Variants in AMPH observed in about 807,000 individuals in gnomAD.
AMPH encodes the protein amphiphysin, also known as amphiphysin (Stiff-Mann syndrome with breast cancer 128kD autoantigen).
In AMPH, 49 loss-of-function variants were observed where a neutral mutation model predicts 99.1. That is an observed-to-expected ratio of 0.49 (90% CI 0.39 to 0.63). The LOEUF is 0.63. AMPH is among the 20% of genes least tolerant of loss of function. The pLI is 0.00. For missense variants in AMPH, 759 were observed against 863.4 expected, an observed-to-expected ratio of 0.88 and a Z score of 1.52; for synonymous variants, 314 against 317.3, an observed-to-expected ratio of 0.99 and a Z score of 0.11.
intron 5 of AMPH, among the ~76,000 whole-genome samples, chr7:38,485,022 A>G (rs1277572150): frequency 6.6e-6 from 1 of 151,966 alleles, no homozygotes; most frequent in Non-Finnish European, 1.5e-5. Context: ...ATACAAAGAA[A>G]CAACAAAATA....
intron 1 of AMPH, among the ~76,000 whole-genome samples, chr7:38,546,173 C>T (rs1790990121): frequency 6.6e-6 from 1 of 152,182 alleles, no homozygotes; most frequent in African/African-American, 2.4e-5. Context: ...AGATGCTGCC[C>T]CTTCTGGCTA....
intron 5 of AMPH, among the ~76,000 whole-genome samples, chr7:38,483,524 A>G (rs560981291): frequency 6.6e-6 from 1 of 152,250 alleles, no homozygotes; most frequent in Non-Finnish European, 1.5e-5. Flanking sequence ...TCCAAAGAAA[A>G]TGAGTCTTGC....
At chr7:38,551,662 T>TC (rs1791186580) in intron 1 of AMPH, among the ~76,000 whole-genome samples, 1 of 151,676 alleles carries the variant, frequency 6.6e-6, no homozygotes, top group Non-Finnish European at 1.5e-5. Flanking sequence ...GCAAATACCT[T>TC]CCCCCACGGC....
At chr7:38,630,778 G>A (rs561410947) in intron 1 of AMPH, among the ~76,000 whole-genome samples, 4 of 152,294 alleles carry the variant, frequency 2.6e-5, no homozygotes, top group Admixed American at 2.6e-4. Context: ...TAAATCGTTC[G>A]TGTCTGCTGC....
chr7:38,465,779 A>G (rs73120230), intron 8 of AMPH, among the ~76,000 whole-genome samples: 3,951 of 152,334 alleles, frequency 0.026, 75 homozygotes, highest in Admixed American at 0.054. Flanking sequence ...TTTATTAACC[A>G]GAGTACAGGG....
intron 17 of AMPH, among the ~76,000 whole-genome samples, chr7:38,397,163 A>G (rs1340145801): frequency 6.6e-6 from 1 of 152,218 alleles, no homozygotes; most frequent in East Asian, 1.9e-4. Context: ...ATGTTATTCC[A>G]TGGGCTACTC....
At chr7:38,434,904 T>C (rs1451771481) in intron 12 of AMPH, among the ~76,000 whole-genome samples, 1 of 152,246 alleles carries the variant, frequency 6.6e-6, no homozygotes, top group Admixed American at 6.5e-5. Flanking sequence ...CTCAAACTTG[T>C]TGACAATACT....
intron 1 of AMPH, among the ~76,000 whole-genome samples, chr7:38,592,587 C>T (rs1341856154): frequency 3.3e-5 from 5 of 151,926 alleles, no homozygotes; most frequent in East Asian, 1.9e-4. Context: ...AAAAATTAGC[C>T]GGGCATGGTG....
At chr7:38,604,290 CA>C (rs1268519106) in intron 1 of AMPH, among the ~76,000 whole-genome samples, 4 of 152,206 alleles carry the variant, frequency 2.6e-5, no homozygotes, top group African/African-American at 9.6e-5. Flanking sequence ...ATTGTGCAGG[CA>C]GACGAATTTT....
chr7:38,406,737 T>C (rs1036328880), intron 17 of AMPH, among the ~76,000 whole-genome samples: 6 of 77,468 alleles, frequency 7.7e-5, no homozygotes, highest in African/African-American at 1.1e-4. Flanking sequence ...TTTCCCTCTC[T>C]CTCTCTCTCT....
intron 17 of AMPH, among the ~76,000 whole-genome samples, chr7:38,404,873 T>C (rs771032303): frequency 3.3e-5 from 5 of 152,156 alleles, no homozygotes; most frequent in Non-Finnish European, 7.3e-5. Context: ...TGGGAGGTAC[T>C]ATATGAGATT....
At chr7:38,565,428 G>A (rs1777330172) in intron 1 of AMPH, among the ~76,000 whole-genome samples, 1 of 152,132 alleles carries the variant, frequency 6.6e-6, no homozygotes, top group Non-Finnish European at 1.5e-5. Context: ...TCCTCAGGAT[G>A]GTTTCTCCTT....
intron 2 of AMPH, among the ~76,000 whole-genome samples, chr7:38,513,006 G>C (rs972506965): frequency 1.3e-5 from 2 of 152,128 alleles, no homozygotes; most frequent in African/African-American, 4.8e-5. Flanking sequence ...AAAGACTATA[G>C]ATAAATGCAG....
intron 20 of AMPH, among the ~76,000 whole-genome samples, chr7:38,389,503 C>T (rs1442135972): frequency 6.6e-6 from 1 of 152,148 alleles, no homozygotes; most frequent in Non-Finnish European, 1.5e-5. Context: ...TCTTTTAGTT[C>T]ACATTCATAG....
At chr7:38,409,806 A>C (rs1785162004) in intron 17 of AMPH, among the ~76,000 whole-genome samples, 2 of 152,226 alleles carry the variant, frequency 1.3e-5, no homozygotes, top group Non-Finnish European at 1.5e-5. Flanking sequence ...CAGAGATCCC[A>C]AAGTTAATGA....
intron 1 of AMPH, among the ~76,000 whole-genome samples, chr7:38,573,250 T>A (rs1792115336): frequency 6.6e-6 from 1 of 152,212 alleles, no homozygotes; most frequent in African/African-American, 2.4e-5. Flanking sequence ...TCAGCCTCAG[T>A]CCTCCTTACA....
At chr7:38,425,349 G>T (rs1785746151) in intron 15 of AMPH, among the ~76,000 whole-genome samples, 1 of 152,178 alleles carries the variant, frequency 6.6e-6, no homozygotes, top group Non-Finnish European at 1.5e-5. Flanking sequence ...AGATGAAACT[G>T]ATTGAATGTC....
At chr7:38,595,309 T>C (rs1562851102) in intron 1 of AMPH, among the ~76,000 whole-genome samples, 1 of 152,176 alleles carries the variant, frequency 6.6e-6, no homozygotes, top group East Asian at 1.9e-4. Flanking sequence ...GGGGTAGTGC[T>C]GTACAGGTGG....
At chr7:38,550,155 A>G (rs1209808196) in intron 1 of AMPH, among the ~76,000 whole-genome samples, 1 of 152,214 alleles carries the variant, frequency 6.6e-6, no homozygotes, top group Non-Finnish European at 1.5e-5. Context: ...CTGATTCTTT[A>G]TTGGATGAAA....
Sources: gnomAD v4.1 joint callset for allele counts (sites outside exome capture counted in the v4.1 genomes callset) on GRCh38, gnomAD v4.1.1 for gene constraint, MANE v1.5 for transcripts, NCBI Gene and HGNC (gene_info 2026-07-23, HGNC 2026-07-21) for gene names.